Variants in WWOX observed in about 807,000 individuals in gnomAD.
WWOX encodes WW domain-containing oxidoreductase.
In WWOX, 69 loss-of-function variants were observed where a neutral mutation model predicts 46.2. That is an observed-to-expected ratio of 1.49 (90% confidence interval 1.23 to 1.82). The LOEUF (loss-of-function observed/expected upper bound fraction) is 1.82. Among genes scored for constraint, WWOX ranks in the 40% most tolerant of loss-of-function variants. The probability of loss-of-function intolerance (pLI) is 0.00; values close to 1 mark genes in which losing one functional copy is unlikely to be tolerated. For synonymous variants in WWOX, 359 were observed against 202.6 expected (o/e 1.77, Z -6.56); for missense variants, 919 against 542.6 (o/e 1.69, Z -6.89).
At chr16:79,151,405 G>A (rs1006227500) in intron 8 of WWOX, among the ~76,000 whole-genome samples, 81 of 152,304 alleles carry the variant, frequency 5.3e-4, no homozygotes, top group African/African-American at 1.9e-3. Flanking sequence ...AAGAGTATGT[G>A]CGCCTTCTTT....
At chr16:78,336,278 G>A (rs1376720043) in intron 5 of WWOX, among the ~76,000 whole-genome samples, 3 of 146,726 alleles carry the variant, frequency 2.0e-5, no homozygotes, top group Non-Finnish European at 4.5e-5. Flanking sequence ...TTCAAAACCA[G>A]CCTGACCAAC....
At chr16:78,407,344 G>T (rs530250052) in intron 6 of WWOX, among the ~76,000 whole-genome samples, 9 of 152,246 alleles carry the variant, frequency 5.9e-5, no homozygotes, top group Admixed American at 5.9e-4. Context: ...GCTTCCAGGA[G>T]GGATTGGAAA....
At chr16:78,575,400 G>A (rs1285927292) in intron 8 of WWOX, among the ~76,000 whole-genome samples, 1 of 151,794 alleles carries the variant, frequency 6.6e-6, no homozygotes, top group Non-Finnish European at 1.5e-5. Flanking sequence ...CTGATGCGAT[G>A]AGGATGTGGT....
At chr16:78,858,234 G>A (rs1420991069) in intron 8 of WWOX, among the ~76,000 whole-genome samples, 2 of 148,208 alleles carry the variant, frequency 1.3e-5, no homozygotes, top group African/African-American at 5.0e-5. Flanking sequence ...AGTGGTTTTT[G>A]ATTACATGGA....
At chr16:79,007,446 GAGA>G (rs1169012322) in intron 8 of WWOX, among the ~76,000 whole-genome samples, 2 of 152,178 alleles carry the variant, frequency 1.3e-5, no homozygotes, top group African/African-American at 2.4e-5. Flanking sequence ...GGATGTATTG[GAGA>G]AGATGAGGCC....
chr16:78,570,394 G>A (rs1057215603), intron 8 of WWOX, among the ~76,000 whole-genome samples: 3 of 152,088 alleles, frequency 2.0e-5, no homozygotes, highest in South Asian at 2.1e-4. Flanking sequence ...CTGCAGCCTC[G>A]GTCTCCTGGG....
chr16:78,963,266 G>C (rs7187535), intron 8 of WWOX, among the ~76,000 whole-genome samples: 9,337 of 152,132 alleles, frequency 0.061, 690 homozygotes, highest in African/African-American at 0.17. Context: ...TCCGGGAGTT[G>C]AAGACCAGTC....
chr16:79,009,547 A>C (rs1183232143), intron 8 of WWOX, among the ~76,000 whole-genome samples: 2 of 151,914 alleles, frequency 1.3e-5, no homozygotes, highest in African/African-American at 4.8e-5. Flanking sequence ...GGCTCACAGT[A>C]ACCTCTGCCT....
intron 5 of WWOX, among the ~76,000 whole-genome samples, chr16:78,217,519 G>A (rs1285856145): frequency 1.3e-5 from 2 of 152,190 alleles, no homozygotes; most frequent in Non-Finnish European, 2.9e-5. Flanking sequence ...TGGCTGTGTT[G>A]AGACATGTGA....
chr16:78,774,530 GT>G lies in WWOX; in HGVS notation c.1056+341779del, dbSNP rs1555532878. Among the ~76,000 whole-genome samples, 4 of 123,446 alleles carry G rather than the reference GT, an allele frequency of 3.2e-5. No individual in the cohort carries two copies. The South Asian group carries it at 1.1e-3, about 33-fold the overall frequency. The allele number at this position is 123,446 out of a possible 152,430, so 81.0% of individuals were successfully genotyped here. A position where few individuals can be genotyped will look rare whatever the true frequency, so the allele number is the denominator to read the frequency against. ...TGTGTGTGTGTGTGTGTGTGTGTGT[GT>G]GCGCGTGCGCACACGCATGAGCCTG... On this transcript the variant is annotated intron_variant, in intron 8 of 8. Transcript: ENST00000566780.
chr16:78,735,338 C>G (rs1350980817), intron 8 of WWOX, among the ~76,000 whole-genome samples: 1 of 151,608 alleles, frequency 6.6e-6, no homozygotes, highest in African/African-American at 2.4e-5. Flanking sequence ...ATCCATTGGT[C>G]ATCAGGTTCT....
At chr16:79,126,250 C>G (rs771494997) in intron 8 of WWOX, among the ~76,000 whole-genome samples, 6 of 152,074 alleles carry the variant, frequency 3.9e-5, no homozygotes, top group Admixed American at 1.3e-4. Flanking sequence ...ATGCTGGAAA[C>G]AGAGGTAAGA....
intron 8 of WWOX, among the ~76,000 whole-genome samples, chr16:78,719,646 CTCTG>C (rs978227648): frequency 4.4e-4 from 67 of 152,194 alleles, no homozygotes; most frequent in African/African-American, 1.3e-3. Context: ...AGTTAGATTG[CTCTG>C]TCTTACACTG....
chr16:78,265,553 C>T (rs543249095), intron 5 of WWOX, among the ~76,000 whole-genome samples: 2 of 151,944 alleles, frequency 1.3e-5, no homozygotes, highest in Admixed American at 6.5e-5. Flanking sequence ...TGGTGCATGC[C>T]TGTAATCCCA....
intron 8 of WWOX, among the ~76,000 whole-genome samples, chr16:78,913,441 C>T (rs530603061): frequency 6.6e-6 from 1 of 151,910 alleles, no homozygotes; most frequent in Non-Finnish European, 1.5e-5. Context: ...GCAAAACCCT[C>T]ACGGCTCTTT....
At chr16:78,951,617 C>T (rs184259025) in intron 8 of WWOX, among the ~76,000 whole-genome samples, 301 of 152,332 alleles carry the variant, frequency 2.0e-3, no homozygotes, top group Non-Finnish European at 3.3e-3. Flanking sequence ...CAATACCCAT[C>T]CCAGGAGACA....
At chr16:78,743,660 C>G (rs985973316) in intron 8 of WWOX, among the ~76,000 whole-genome samples, 2 of 152,214 alleles carry the variant, frequency 1.3e-5, no homozygotes, top group Non-Finnish European at 2.9e-5. Flanking sequence ...TTGAAAGTAC[C>G]CCTGATTGGT....
At chr16:78,217,813 A>C (rs1444982777) in intron 5 of WWOX, among the ~76,000 whole-genome samples, 1 of 152,146 alleles carries the variant, frequency 6.6e-6, no homozygotes, top group Admixed American at 6.5e-5. Flanking sequence ...GTGGAGACTC[A>C]TCTTCTGCAC....
At chr16:78,662,638 A>T (rs897305781) in intron 8 of WWOX, among the ~76,000 whole-genome samples, 3 of 152,210 alleles carry the variant, frequency 2.0e-5, no homozygotes, top group Admixed American at 6.5e-5. Context: ...AACATAAAAC[A>T]ACATACATTC....
Sources: allele counts gnomAD v4.1 joint callset (sites outside exome capture counted in the v4.1 genomes callset), GRCh38; gene constraint gnomAD v4.1.1; transcripts MANE v1.5; gene names NCBI Gene and HGNC (gene_info 2026-07-23, HGNC 2026-07-21).